The following SCIMP variants were observed in gnomAD, a reference collection of about 807,000 sequenced individuals.
SCIMP encodes the protein SLP adapter and CSK-interacting membrane protein.
A neutral mutation model predicts 22.0 loss-of-function variants in SCIMP; 18 were observed. The observed-to-expected ratio is 0.82, with a 90% CI of 0.56 to 1.21. The LOEUF is 1.21. SCIMP is among the 50% of genes most tolerant of loss of function. SCIMP has a pLI of 0.00. For synonymous variants in SCIMP, 53 were observed against 62.2 expected (o/e 0.85, Z 0.70); for missense variants, 155 against 171.2 (o/e 0.91, Z 0.53).
intron 1 of SCIMP, among the ~76,000 whole-genome samples, chr17:5,230,524 G>A (rs2074685618): frequency 6.6e-6 from 1 of 152,182 alleles, no homozygotes. Flanking sequence ...AGGGAAGCCA[G>A]CAGGATGGTG....
intron 1 of SCIMP, among the ~76,000 whole-genome samples, chr17:5,231,842 CA>C (rs1297249848): frequency 2.0e-5 from 3 of 152,184 alleles, no homozygotes; most frequent in Admixed American, 2.0e-4. Context: ...ATCACGAGGT[CA>C]GGAGATCAAG....
At chr17:5,228,180 A>T (rs1032058632) in intron 1 of SCIMP, among the ~76,000 whole-genome samples, 1 of 151,812 alleles carries the variant, frequency 6.6e-6, no homozygotes, top group African/African-American at 2.4e-5. Context: ...TCCAAACAAA[A>T]TTTTAAAAAT....
intron 1 of SCIMP, among the ~76,000 whole-genome samples, chr17:5,233,663 G>A (rs527320028): frequency 1.3e-5 from 2 of 152,188 alleles, no homozygotes; most frequent in South Asian, 2.1e-4. Context: ...GAGCCACCAT[G>A]CCCCGCCTGC....
chr17:5,224,375 G>T (rs1449767897), intron 1 of SCIMP, among the ~76,000 whole-genome samples: 3 of 152,046 alleles, frequency 2.0e-5, no homozygotes, highest in Non-Finnish European at 4.4e-5. Flanking sequence ...CTGACCTCGT[G>T]ATCTGCCTGC....
chr17:5,234,614 C>A, intron 1 of SCIMP, 121 bp downstream of exon 1: 1 of 1,012,622 alleles, frequency 9.9e-7, no homozygotes, highest in Non-Finnish European at 1.5e-6. Context: ...GGGCCCCAGG[C>A]TGCAATCCCC....
intron 4 of SCIMP, among the ~76,000 whole-genome samples, chr17:5,211,951 G>C (rs949351358): frequency 6.6e-6 from 1 of 152,038 alleles, no homozygotes; most frequent in South Asian, 2.1e-4. Flanking sequence ...GGGAGGTTGA[G>C]ACAGGAGAAT....
intron 1 of SCIMP, among the ~76,000 whole-genome samples, chr17:5,232,259 G>A (rs1265592346): frequency 6.6e-6 from 1 of 150,582 alleles, no homozygotes; most frequent in African/African-American, 2.5e-5. Flanking sequence ...GTGGTCCCCC[G>A]CTGAGTCTTT....
At chr17:5,223,165 A>C (rs889117967) in intron 2 of SCIMP, among the ~76,000 whole-genome samples, 168 bp downstream of exon 2, 1 of 152,136 alleles carries the variant, frequency 6.6e-6, no homozygotes, top group Non-Finnish European at 1.5e-5. Flanking sequence ...TGAGGCCTAG[A>C]GACATAATGT....
At chr17:5,227,072 C>A (rs2074654785) in intron 1 of SCIMP, among the ~76,000 whole-genome samples, 1 of 152,062 alleles carries the variant, frequency 6.6e-6, no homozygotes, top group African/African-American at 2.4e-5. Flanking sequence ...GCTGGCAGAC[C>A]TGGAGTTGTT....
At chr17:5,216,333 A>C (rs1469267222) in intron 3 of SCIMP, among the ~76,000 whole-genome samples, 27 of 152,214 alleles carry the variant, frequency 1.8e-4, no homozygotes, top group Non-Finnish European at 1.0e-4. Context: ...GCCAAACACC[A>C]AATAATATAT....
chr17:5,221,624 A>C (rs570152183), intron 2 of SCIMP, among the ~76,000 whole-genome samples: 8 of 152,302 alleles, frequency 5.3e-5, no homozygotes, highest in African/African-American at 1.7e-4. Context: ...AAATCAGATA[A>C]AGAATCGGAA....
chr17:5,224,338 C>T (rs1020310648), intron 1 of SCIMP, among the ~76,000 whole-genome samples: 3 of 151,932 alleles, frequency 2.0e-5, no homozygotes, highest in African/African-American at 4.8e-5. Context: ...GGGGTTTCAC[C>T]GTGTTAGCCA....
At chr17:5,228,879 A>G (rs1404099936) in intron 1 of SCIMP, among the ~76,000 whole-genome samples, 2 of 152,160 alleles carry the variant, frequency 1.3e-5, no homozygotes, top group African/African-American at 4.8e-5. Flanking sequence ...TATACGAAAG[A>G]ATGGATGATG....
chr17:5,227,292 A>ACACACAC (rs35959402), intron 1 of SCIMP, among the ~76,000 whole-genome samples: 1 of 144,216 alleles, frequency 6.9e-6, no homozygotes, highest in South Asian at 2.3e-4. Flanking sequence ...ACACACACAC[A>ACACACAC]ACACACACAC....
chr17:5,218,065 A>G (rs2074579043), intron 3 of SCIMP, among the ~76,000 whole-genome samples: 1 of 151,536 alleles, frequency 6.6e-6, no homozygotes, highest in Non-Finnish European at 1.5e-5. Context: ...TCACTTTGAC[A>G]CCCAGGCTGG....
rs1327867767 is a variant in SCIMP, at chr17:5,209,937, C to G, written c.*864G>C. ...ATGATGGACAGGGGATATTAAGCCCCCTGAACTCTCATCTTGTATATGCCA... is the reference window on the plus strand; with the variant it reads ...ATGATGGACAGGGGATATTAAGCCCGCTGAACTCTCATCTTGTATATGCCA... On this transcript the variant is annotated 3_prime_UTR_variant, in exon 5 of 5. Coordinates refer to ENST00000574081, the MANE Select transcript of SCIMP (RefSeq NM_207103.3). 1 of 152,102 alleles carries G rather than the reference C, an allele frequency of 6.6e-6. No homozygotes were observed. Among genetic ancestry groups the G allele is most frequent in the African/African-American group, 2.4e-5 (1 of 41,412 alleles). The allele number at this position is 152,102 out of a possible 1,614,324, so 9.4% of individuals were successfully genotyped here. A position where few individuals can be genotyped will look rare whatever the true frequency, so the allele number is the denominator to read the frequency against.
rs1427902593 is a variant in SCIMP at position 5,223,431 on chromosome 17, C to T, written c.47G>A (p.Arg16Lys). 3.1e-6 allele frequency: 5 copies of T among 1,613,680 alleles called. No homozygotes were observed. In the African/African-American group the frequency reaches 4.0e-5, roughly 13 times the overall value. ...VQDSTAMSWW[R>K]NNFWIILAVA... is the part of the protein sequence containing the mutation. ...AGCTAAGATGATCCAGAAATTATTC[C>T]TCCACCAGCTCATTGCAGTGGAATC... is the stretch of plus-strand genomic sequence containing the variant. The change falls in exon 2 of 5, where the codon AGG becomes AAG. Residue 16 changes from arginine to lysine, a missense_variant. Transcript: ENST00000574081.
rs188679694 is a variant in SCIMP, at chr17:5,210,952, G to A, written c.287C>T (p.Pro96Leu). The A allele has an allele frequency of 6.7e-4, 1,074 of 1,610,150 alleles. 9 individuals carry two copies. The highest frequency in any genetic ancestry group is 7.0e-5 in the Non-Finnish European group (82 of 1,179,040). The change falls in exon 5 of 5, where the codon CCA becomes CTA. Residue 96 changes from proline to leucine, a missense_variant. Physicochemically the swap from Pro to Leu is moderately conservative, Grantham distance 98. Transcript: ENST00000574081. Reference protein sequence around the residue: ...RNWPSLEDSSPQEAPSQPPAT... With the variant: ...RNWPSLEDSSLQEAPSQPPAT... ...GGGCGGCTGACTTGGGGCTTCCTGT[G>A]GGGCTAGAATACACAAAAAGCTCCT...
intron 4 of SCIMP, among the ~76,000 whole-genome samples, chr17:5,211,842 G>C (rs146278637): frequency 6.6e-6 from 1 of 152,222 alleles, no homozygotes; most frequent in Non-Finnish European, 1.5e-5. Context: ...CAGATCACCT[G>C]AGGTCGGGAG....
Sources: allele counts gnomAD v4.1 joint callset (sites outside exome capture counted in the v4.1 genomes callset), GRCh38; gene constraint gnomAD v4.1.1; transcripts MANE v1.5; gene names NCBI Gene and HGNC (gene_info 2026-07-23, HGNC 2026-07-21).